ZBTB7C: variants seen among roughly 807,000 people sequenced by gnomAD.
ZBTB7C encodes the protein zinc finger and BTB domain-containing protein 7C.
ZBTB7C carries 8 observed loss-of-function variants against 25.7 expected under a neutral mutation model. The observed-to-expected ratio is 0.31, with a 90% CI of 0.18 to 0.56. The LOEUF (loss-of-function observed/expected upper bound fraction) is 0.56. Among genes scored for constraint, ZBTB7C ranks in the 20% least tolerant of loss-of-function variants. ZBTB7C has a pLI of 0.91. For synonymous variants in ZBTB7C, 394 were observed against 369.0 expected (o/e 1.07, Z -0.78); for missense variants, 824 against 855.2 (o/e 0.96, Z 0.46).
intron 2 of ZBTB7C, among the ~76,000 whole-genome samples, chr18:48,254,966 G>A (rs1187577322): frequency 1.3e-5 from 2 of 152,036 alleles, no homozygotes; most frequent in African/African-American, 4.8e-5. Flanking sequence ...CAATTCACAG[G>A]GCTAAAATAC....
At chr18:48,409,049 A>G (rs2048347570) in intron 1 of ZBTB7C, among the ~76,000 whole-genome samples, 177 bp downstream of exon 1, 1 of 150,896 alleles carries the variant, frequency 6.6e-6, no homozygotes, top group Non-Finnish European at 1.5e-5. Context: ...CGGCGCCCCA[A>G]GGCGCGCGGA....
chr18:48,293,351 A>C (rs1482883769), intron 2 of ZBTB7C, among the ~76,000 whole-genome samples: 4 of 152,046 alleles, frequency 2.6e-5, no homozygotes, highest in Non-Finnish European at 5.9e-5. Flanking sequence ...ACCTCATCTG[A>C]CTCTATTCAC....
chr18:48,347,072 C>T (rs2046749039), intron 1 of ZBTB7C, among the ~76,000 whole-genome samples: 1 of 151,656 alleles, frequency 6.6e-6, no homozygotes, highest in Non-Finnish European at 1.5e-5. Flanking sequence ...CATGAGCCAC[C>T]ACGCTGGGCC....
intron 1 of ZBTB7C, among the ~76,000 whole-genome samples, chr18:48,349,251 A>C (rs1370977294): frequency 6.6e-6 from 1 of 152,238 alleles, no homozygotes; most frequent in Non-Finnish European, 1.5e-5. Flanking sequence ...TATATTTTCC[A>C]ATATGAAATG....
chr18:48,176,676 A>G (rs2145064959), intron 3 of ZBTB7C, among the ~76,000 whole-genome samples: 1 of 152,180 alleles, frequency 6.6e-6, no homozygotes. Flanking sequence ...CAAGTGCTGT[A>G]AAATGTTAAC....
intron 2 of ZBTB7C, among the ~76,000 whole-genome samples, chr18:48,206,669 A>G (rs2042583250): frequency 6.6e-6 from 1 of 152,122 alleles, no homozygotes; most frequent in Admixed American, 6.5e-5. Context: ...AAACAAACAA[A>G]CAAATAAATA....
chr18:48,031,049 A>G (rs904091701), intron 4 of ZBTB7C, among the ~76,000 whole-genome samples: 7 of 152,132 alleles, frequency 4.6e-5, no homozygotes, highest in Non-Finnish European at 1.0e-4. Flanking sequence ...GCATCTGCCT[A>G]TAATTTCAGG....
rs183932100 is a variant in ZBTB7C, at chr18:48,221,889, A to G, written c.-78-35894T>C. 5.8e-3 allele frequency among the ~76,000 whole-genome samples: 825 copies of G among 142,922 alleles called. 8 individuals carry two copies. Among genetic ancestry groups the G allele is most frequent in the Middle Eastern group, 0.015 (3 of 200 alleles). 93.8% of individuals were successfully genotyped at this position (142,922 alleles called of 152,430 possible). A position where few individuals can be genotyped will look rare whatever the true frequency, so the allele number is the denominator to read the frequency against. On this transcript the variant is annotated intron_variant, in intron 2 of 4. Transcript: ENST00000590800. ...CCTCTATACTGTCCTAGTCTCCTCT[A>G]TACTGTCCTAGTCTCCCTCTATACT... is the stretch of plus-strand genomic sequence containing the variant.
intron 2 of ZBTB7C, among the ~76,000 whole-genome samples, chr18:48,208,163 G>A (rs1568303367): frequency 6.6e-6 from 1 of 152,102 alleles, no homozygotes; most frequent in Admixed American, 6.5e-5. Flanking sequence ...AAGAGCCTTG[G>A]GGAACAGAGC....
intron 3 of ZBTB7C, among the ~76,000 whole-genome samples, chr18:48,183,420 T>C (rs1187626147): frequency 6.6e-6 from 1 of 152,238 alleles, no homozygotes; most frequent in Admixed American, 6.5e-5. Context: ...TCTGGTACTT[T>C]TGAATTTAGA....
intron 3 of ZBTB7C, among the ~76,000 whole-genome samples, chr18:48,112,394 C>T (rs7231697): frequency 0.079 from 11,799 of 150,008 alleles, 1,383 homozygotes; most frequent in African/African-American, 0.26. Context: ...TCGCCCAGGA[C>T]GGAGTACAGT....
At chr18:48,069,112 G>A (rs2037447534) in intron 3 of ZBTB7C, among the ~76,000 whole-genome samples, 1 of 152,210 alleles carries the variant, frequency 6.6e-6, no homozygotes, top group Admixed American at 6.5e-5. Flanking sequence ...CCCCAGCGCA[G>A]CCAGGGCAGG....
intron 2 of ZBTB7C, among the ~76,000 whole-genome samples, chr18:48,249,343 C>T (rs1233614318): frequency 2.0e-5 from 3 of 152,126 alleles, no homozygotes; most frequent in Non-Finnish European, 4.4e-5. Flanking sequence ...ATAAAAGCCC[C>T]AAACTGAAAA....
intron 2 of ZBTB7C, among the ~76,000 whole-genome samples, chr18:48,228,309 C>G (rs2145334165): frequency 6.6e-6 from 1 of 152,314 alleles, no homozygotes; most frequent in African/African-American, 2.4e-5. Context: ...ATTGCTGGTT[C>G]TGACCACAGA....
intron 3 of ZBTB7C, among the ~76,000 whole-genome samples, chr18:48,140,028 C>A (rs2040294324): frequency 6.6e-6 from 1 of 152,206 alleles, no homozygotes; most frequent in Non-Finnish European, 1.5e-5. Flanking sequence ...GGCAAGCCTG[C>A]CCTGACTTTC....
intron 3 of ZBTB7C, chr18:48,150,463 TC>T (rs2040640433): frequency 1.3e-5 from 2 of 151,218 alleles, no homozygotes; most frequent in Non-Finnish European, 2.9e-5. Context: ...GCTCCTGTAA[TC>T]CCAGCTACTC....
At chr18:48,399,528 C>A (rs549347001) in intron 1 of ZBTB7C, among the ~76,000 whole-genome samples, 1 of 152,154 alleles carries the variant, frequency 6.6e-6, no homozygotes, top group Non-Finnish European at 1.5e-5. Context: ...GAAGGACTGG[C>A]CGGTGGGGTG....
chr18:48,318,446 A>C (rs1311676205), intron 2 of ZBTB7C, among the ~76,000 whole-genome samples: 1 of 151,908 alleles, frequency 6.6e-6, no homozygotes, highest in Admixed American at 6.5e-5. Context: ...CAGGGAGGCA[A>C]GTTCCACACA....
chr18:48,282,728 T>C (rs1013145430), intron 2 of ZBTB7C, among the ~76,000 whole-genome samples: 1 of 152,054 alleles, frequency 6.6e-6, no homozygotes, highest in African/African-American at 2.4e-5. Flanking sequence ...CAACCTAAAG[T>C]TGAGTAAAAT....
Sources: gnomAD v4.1 joint callset for allele counts (sites outside exome capture counted in the v4.1 genomes callset) on GRCh38, gnomAD v4.1.1 for gene constraint, MANE v1.5 for transcripts, NCBI Gene and HGNC (gene_info 2026-07-23, HGNC 2026-07-21) for gene names.